The following CSMD1 variants were observed in gnomAD, a reference collection of about 807,000 sequenced individuals.
CSMD1 encodes CUB and Sushi multiple domains 1.
Under a neutral mutation model 417.5 loss-of-function variants are expected in CSMD1, and 213 were observed. The ratio of observed to expected loss-of-function variants is 0.51; its 90% CI spans 0.46 to 0.57. The LOEUF is 0.57. CSMD1 is among the 20% of genes least tolerant of loss of function. The pLI is 0.00. For synonymous variants in CSMD1, 2,862 were observed against 1,736.8 expected (o/e 1.65, Z -16.11); for missense variants, 6,923 against 4,529.7 (o/e 1.53, Z -15.17).
chr8:4,031,313 G>T (rs768199122), intron 4 of CSMD1, among the ~76,000 whole-genome samples: 1 of 152,178 alleles, frequency 6.6e-6, no homozygotes, highest in Non-Finnish European at 1.5e-5. Flanking sequence ...GTCCCAAGTG[G>T]CTGGGGAAGC....
intron 23 of CSMD1, among the ~76,000 whole-genome samples, chr8:3,319,731 A>G (rs1381671825): frequency 2.6e-5 from 4 of 152,158 alleles, no homozygotes; most frequent in Non-Finnish European, 5.9e-5. Flanking sequence ...AATGGTAAGA[A>G]AAGTGTCAGA....
chr8:3,550,049 T>C (rs1798842004), intron 10 of CSMD1, among the ~76,000 whole-genome samples: 2 of 152,310 alleles, frequency 1.3e-5, no homozygotes, highest in East Asian at 1.9e-4. Context: ...TCTTGTTTCA[T>C]ATTGAAAATC....
chr8:3,405,340 G>A lies in CSMD1; in HGVS notation c.2266+687C>T, dbSNP rs557164189. 6.6e-5 allele frequency among the ~76,000 whole-genome samples: 10 copies of A among 152,202 alleles called. No homozygotes were observed. In the South Asian group the frequency reaches 1.5e-3, roughly 22 times the overall value. On this transcript the variant is annotated intron_variant, in intron 15 of 69. Coordinates refer to ENST00000635120, the MANE Select transcript of CSMD1 (RefSeq NM_033225.6). ...ATTTTTAAAATGAGTAATTATTAGA[G>A]GCAACATCTTTTTCCTTAAAATATT...
At chr8:4,568,870 A>G (rs1798746284) in intron 2 of CSMD1, among the ~76,000 whole-genome samples, 1 of 152,214 alleles carries the variant, frequency 6.6e-6, no homozygotes, top group Non-Finnish European at 1.5e-5. Context: ...TCTAATGACT[A>G]GTGATGATGA....
intron 3 of CSMD1, among the ~76,000 whole-genome samples, chr8:4,368,518 A>G (rs1416864521): frequency 6.6e-6 from 1 of 152,126 alleles, no homozygotes; most frequent in Non-Finnish European, 1.5e-5. Flanking sequence ...CTCTTTCTCA[A>G]ATTTTTGGGA....
intron 2 of CSMD1, among the ~76,000 whole-genome samples, chr8:4,614,115 G>A (rs1801342665): frequency 6.6e-6 from 1 of 152,082 alleles, no homozygotes; most frequent in Non-Finnish European, 1.5e-5. Context: ...GGACAGAGAT[G>A]CAATAAAAAC....
intron 25 of CSMD1, among the ~76,000 whole-genome samples, chr8:3,289,851 T>G (rs558123359): frequency 6.8e-6 from 1 of 147,770 alleles, no homozygotes; most frequent in South Asian, 2.1e-4. Flanking sequence ...TTTGTCAGTT[T>G]TGGCTTTTGT....
chr8:3,919,998 T>C (rs902138126), intron 5 of CSMD1, among the ~76,000 whole-genome samples: 1 of 151,998 alleles, frequency 6.6e-6, no homozygotes, highest in Non-Finnish European at 1.5e-5. Context: ...CCAAATTTTT[T>C]TTTACTTTAG....
intron 69 of CSMD1, among the ~76,000 whole-genome samples, chr8:2,939,246 T>C (rs1211126346): frequency 5.9e-5 from 9 of 152,254 alleles, no homozygotes; most frequent in Admixed American, 5.2e-4. Context: ...TTTCTACTAC[T>C]CTGTAAAACA....
chr8:3,536,527 G>A (rs1212541845), intron 10 of CSMD1, among the ~76,000 whole-genome samples: 2 of 152,164 alleles, frequency 1.3e-5, no homozygotes, highest in African/African-American at 4.8e-5. Context: ...TTCGAGGATT[G>A]GCCTCCATGA....
At chr8:3,684,718 C>G (rs895165995) in intron 7 of CSMD1, among the ~76,000 whole-genome samples, 3 of 151,976 alleles carry the variant, frequency 2.0e-5, no homozygotes, top group Non-Finnish European at 4.4e-5. Context: ...CTGCCTCAGC[C>G]TCCAGAGGAG....
intron 10 of CSMD1, among the ~76,000 whole-genome samples, chr8:3,545,896 A>G (rs1432877222): frequency 6.6e-6 from 1 of 152,214 alleles, no homozygotes; most frequent in Non-Finnish European, 1.5e-5. Context: ...TGTAGCAATA[A>G]AATTATAGTG....
chr8:4,375,503 A>G (rs1249014915), intron 3 of CSMD1, among the ~76,000 whole-genome samples: 2 of 152,092 alleles, frequency 1.3e-5, no homozygotes, highest in African/African-American at 2.4e-5. Flanking sequence ...TTGATGGGCA[A>G]GTGACATCAG....
intron 10 of CSMD1, among the ~76,000 whole-genome samples, chr8:3,532,745 A>G (rs1798034665): frequency 6.6e-6 from 1 of 152,200 alleles, no homozygotes; most frequent in Non-Finnish European, 1.5e-5. Flanking sequence ...ATATCTATTG[A>G]TCAATATATA....
chr8:4,551,968 T>G (rs909094840), intron 2 of CSMD1, among the ~76,000 whole-genome samples: 1 of 151,960 alleles, frequency 6.6e-6, no homozygotes, highest in African/African-American at 2.4e-5. Flanking sequence ...ACTACAGGCA[T>G]GAGCCACTGC....
At chr8:4,551,226 G>T (rs1168339765) in intron 2 of CSMD1, among the ~76,000 whole-genome samples, 1 of 151,800 alleles carries the variant, frequency 6.6e-6, no homozygotes, top group Middle Eastern at 3.2e-3. Context: ...CTGTAATACT[G>T]AAAATCCTCG....
At chr8:4,507,252 A>G (rs1250270077) in intron 2 of CSMD1, among the ~76,000 whole-genome samples, 1 of 152,208 alleles carries the variant, frequency 6.6e-6, no homozygotes, top group African/African-American at 2.4e-5. Flanking sequence ...TTAGCTCAGT[A>G]TATTACTTAT....
chr8:3,425,587 CA>C (rs5888966), intron 12 of CSMD1, among the ~76,000 whole-genome samples: 6,613 of 97,366 alleles, frequency 0.068, 165 homozygotes, highest in East Asian at 0.21. Flanking sequence ...GATTCGGTCT[CA>C]AAAAAAAAAA....
intron 1 of CSMD1, among the ~76,000 whole-genome samples, chr8:4,883,227 GATTTC>G (rs557458095): frequency 8.0e-4 from 122 of 152,136 alleles, no homozygotes; most frequent in African/African-American, 2.5e-3. Context: ...CAACATGGTT[GATTTC>G]TAACAAGGAT....
Sources: allele counts gnomAD v4.1 joint callset (sites outside exome capture counted in the v4.1 genomes callset), GRCh38; gene constraint gnomAD v4.1.1; transcripts MANE v1.5; gene names NCBI Gene and HGNC (gene_info 2026-07-23, HGNC 2026-07-21).